The following NHERF1 variants were observed in gnomAD, a reference collection of about 807,000 sequenced individuals.
NHERF1 encodes the protein NHERF family PDZ scaffold protein 1.
the NHERF1 span, chr17:74,768,766 C>A: frequency 2.2e-6 from 2 of 891,882 alleles, no homozygotes; most frequent in East Asian, 2.6e-5. Flanking sequence ...GCACCCACAT[C>A]CCCTTTCTTG....
At chr17:74,748,803 C>G in the NHERF1 span, 10 of 1,526,404 alleles carry the variant, frequency 6.6e-6, no homozygotes, top group Admixed American at 7.5e-5. The surrounding 1 kb of genome is among the most constrained non-coding windows in gnomAD (Gnocchi z 4.3). Context: ...CGTCCCGTCC[C>G]CATCGGAACC....
At chr17:74,752,069 G>A in the NHERF1 span, among the ~76,000 whole-genome samples, 1 of 152,190 alleles carries the variant, frequency 6.6e-6, no homozygotes. Context: ...AGCCTGCCTA[G>A]TTGGGCAAAT....
chr17:74,748,875 C>T, the NHERF1 span: 1 of 1,596,444 alleles, frequency 6.3e-7, no homozygotes, highest in East Asian at 2.2e-5. This position sits in a 1 kb window ranked among gnomAD's most constrained non-coding sequence, Gnocchi z 4.3. Flanking sequence ...GCCGGGGCGC[C>T]CCTGCCCCGG....
the NHERF1 span, among the ~76,000 whole-genome samples, chr17:74,751,612 G>C: frequency 1.3e-5 from 2 of 152,204 alleles, no homozygotes; most frequent in Non-Finnish European, 2.9e-5. This position sits in a 1 kb window ranked among gnomAD's most constrained non-coding sequence, Gnocchi z 4.3. Context: ...CTAAGGAGGT[G>C]GAAGTGGCTC....
chr17:74,768,567 G>A, the NHERF1 span: 1 of 1,613,930 alleles, frequency 6.2e-7, no homozygotes, highest in Non-Finnish European at 8.5e-7. Context: ...CCTGGCCATG[G>A]CCAAAGAGAG....
At chr17:74,756,273 C>CTTTTTTTTTTTTTTTTTTT in the NHERF1 span, among the ~76,000 whole-genome samples, 6 of 71,992 alleles carry the variant, frequency 8.3e-5, no homozygotes, top group Admixed American at 2.1e-4. Context: ...TTCTTTCTTT[C>CTTTTTTTTTTTTTTTTTTT]TTTTTTTTTT....
chr17:74,763,672 T>C, the NHERF1 span: 1 of 792,624 alleles, frequency 1.3e-6, no homozygotes, highest in African/African-American at 1.7e-5. Flanking sequence ...GGCCCAGAGG[T>C]GTGGGCTGGG....
At chr17:74,749,045 G>T in the NHERF1 span, 4 of 1,599,336 alleles carry the variant, frequency 2.5e-6, no homozygotes, top group Admixed American at 1.7e-5. This position sits in a 1 kb window ranked among gnomAD's most constrained non-coding sequence, Gnocchi z 5.6. Flanking sequence ...CGGCGAAAAC[G>T]TGGAGAAGGA....
At chr17:74,752,286 T>C in the NHERF1 span, among the ~76,000 whole-genome samples, 2 of 151,982 alleles carry the variant, frequency 1.3e-5, no homozygotes, top group East Asian at 1.9e-4. Flanking sequence ...TTTTTTCTTT[T>C]TTTTTTTTAA....
At chr17:74,759,699 G>A in the NHERF1 span, among the ~76,000 whole-genome samples, 1 of 152,262 alleles carries the variant, frequency 6.6e-6, no homozygotes, top group Non-Finnish European at 1.5e-5. Flanking sequence ...GCCCTGGAGA[G>A]AGCCCCTGTC....
the NHERF1 span, chr17:74,763,592 G>C: frequency 1.3e-6 from 2 of 1,483,878 alleles, no homozygotes; most frequent in Non-Finnish European, 1.8e-6. Flanking sequence ...CCAGGGCTAA[G>C]ACTGCTGGGT....
the NHERF1 span, chr17:74,763,373 G>T: frequency 1.2e-6 from 2 of 1,613,374 alleles, no homozygotes; most frequent in African/African-American, 1.3e-5. Context: ...GCAGGTGAAC[G>T]GGGTCTGCAT....
At chr17:74,762,209 C>A in the NHERF1 span, 1 of 1,610,382 alleles carries the variant, frequency 6.2e-7, no homozygotes. The surrounding 1 kb of genome is among the most constrained non-coding windows in gnomAD (Gnocchi z 4.2). Context: ...CTGACTGCCC[C>A]CACCCCCTGC....
the NHERF1 span, among the ~76,000 whole-genome samples, chr17:74,752,985 C>T: frequency 6.6e-6 from 1 of 152,238 alleles, no homozygotes. Flanking sequence ...TCATTCAGCT[C>T]ATCCCGCCCC....
chr17:74,763,010 G>A, the NHERF1 span: 17 of 221,626 alleles, frequency 7.7e-5, no homozygotes, highest in Non-Finnish European at 3.6e-5. Flanking sequence ...CATTTTACAC[G>A]TGAGAAAACC....
At chr17:74,749,020 G>A in the NHERF1 span, 1 of 1,605,218 alleles carries the variant, frequency 6.2e-7, no homozygotes, top group Non-Finnish European at 8.5e-7. The surrounding 1 kb of genome is among the most constrained non-coding windows in gnomAD (Gnocchi z 5.6). Context: ...CGGGGGACCG[G>A]CTGGTGGAGG....
At chr17:74,762,163 G>A in the NHERF1 span, 120 of 1,613,876 alleles carry the variant, frequency 7.4e-5, no homozygotes, top group Admixed American at 3.2e-4. This position sits in a 1 kb window ranked among gnomAD's most constrained non-coding sequence, Gnocchi z 4.2. Context: ...GCCCAGGATC[G>A]CATTGTGGAG....
the NHERF1 span, among the ~76,000 whole-genome samples, chr17:74,760,657 A>C: frequency 1.3e-5 from 2 of 151,520 alleles, no homozygotes; most frequent in Admixed American, 6.6e-5. The surrounding 1 kb of genome is among the most constrained non-coding windows in gnomAD (Gnocchi z 4.5). Flanking sequence ...TGGCACACAC[A>C]CCCCCACCCC....
At chr17:74,767,824 T>C in the NHERF1 span, among the ~76,000 whole-genome samples, 1 of 152,118 alleles carries the variant, frequency 6.6e-6, no homozygotes, top group Non-Finnish European at 1.5e-5. Context: ...CCCTCCCTGG[T>C]CACTGGCCCA....
Sources: allele counts gnomAD v4.1 joint callset (sites outside exome capture counted in the v4.1 genomes callset), GRCh38; gene constraint gnomAD v4.1.1; non-coding constraint Gnocchi (gnomAD v3.1); transcripts MANE v1.5; gene names NCBI Gene and HGNC (gene_info 2026-07-23, HGNC 2026-07-21).